Variants in PRKN observed in about 807,000 individuals in gnomAD.
PRKN encodes the protein parkin RBR E3 ubiquitin protein ligase.
In PRKN, 56 loss-of-function variants were observed where a neutral mutation model predicts 59.5. The ratio of observed to expected loss-of-function variants is 0.94; its 90% CI spans 0.76 to 1.18. The LOEUF is 1.18. Ranked by LOEUF, PRKN falls within the 50% of genes most tolerant of loss-of-function variation. PRKN has a pLI of 0.00. For missense variants in PRKN, 657 were observed against 596.4 expected (o/e 1.10, Z -1.06); for synonymous variants, 250 against 222.1 (o/e 1.13, Z -1.12).
chr6:161,537,694 G>A lies in PRKN; in HGVS notation c.1083+11160C>T, dbSNP rs369403416. On this transcript the variant is annotated intron_variant, in intron 9 of 11. Coordinates refer to ENST00000366898, the MANE Select transcript of PRKN (RefSeq NM_004562.3). Reference sequence around the variant, plus strand: ...TCTCGATCTCCTGACCTCGTGATCCGCCCGCCTTAGCCTCCCAAAGTGCTG... The same window carrying A: ...TCTCGATCTCCTGACCTCGTGATCCACCCGCCTTAGCCTCCCAAAGTGCTG... Among the ~76,000 whole-genome samples, 413 of 152,142 alleles carry A rather than the reference G, an allele frequency of 2.7e-3. 5 individuals carry two copies. Among genetic ancestry groups the A allele is most frequent in the South Asian group, 0.025 (119 of 4,820 alleles).
At chr6:162,701,199 A>T (rs1238962895) in intron 1 of PRKN, among the ~76,000 whole-genome samples, 2 of 152,190 alleles carry the variant, frequency 1.3e-5, no homozygotes, top group Non-Finnish European at 2.9e-5. Context: ...AAGAAAACCA[A>T]AATTCAATGT....
In PRKN at chr6:161,939,372, C is replaced by T. The variant is rs189112819; in HGVS notation, c.734+33930G>A. 6.3e-3 allele frequency among the ~76,000 whole-genome samples: 849 copies of T among 133,712 alleles called. 6 individuals are homozygous for T. Among genetic ancestry groups the T allele is most frequent in the Non-Finnish European group, 9.0e-3 (589 of 65,130 alleles). 87.7% of individuals were successfully genotyped at this position (133,712 alleles called of 152,430 possible). On this transcript the variant is annotated intron_variant, in intron 6 of 11. Coordinates refer to ENST00000366898, the MANE Select transcript of PRKN (RefSeq NM_004562.3). ...GGTGGAGGTTGCAGTGAGCTGAGAT[C>T]GTTCCACTGCACTCCAGGCCTGGGT...
chr6:162,489,047 A>T (rs982508460), intron 1 of PRKN, among the ~76,000 whole-genome samples: 3 of 151,068 alleles, frequency 2.0e-5, no homozygotes, highest in Non-Finnish European at 4.4e-5. Flanking sequence ...ACAGGGAGAA[A>T]GGAGCAGGGG....
At chr6:161,555,162 T>C (rs1452728981) in intron 8 of PRKN, among the ~76,000 whole-genome samples, 2 of 152,182 alleles carry the variant, frequency 1.3e-5, no homozygotes, top group Non-Finnish European at 2.9e-5. Flanking sequence ...TTGTGTTTTT[T>C]AGAATTTCCT....
At chr6:161,479,480 A>T (rs879508069) in intron 9 of PRKN, among the ~76,000 whole-genome samples, 2 of 152,182 alleles carry the variant, frequency 1.3e-5, no homozygotes, top group African/African-American at 4.8e-5. Flanking sequence ...TCAGAACGCA[A>T]GCAGCAATGC....
At chr6:161,730,355 A>G (rs1488822383) in intron 7 of PRKN, among the ~76,000 whole-genome samples, 6 of 134,954 alleles carry the variant, frequency 4.4e-5, no homozygotes, top group South Asian at 2.4e-4. Context: ...TCTTTCTGAT[A>G]TGTTGCATTC....
intron 1 of PRKN, among the ~76,000 whole-genome samples, chr6:162,530,490 C>A (rs1437045672): frequency 6.6e-6 from 1 of 152,104 alleles, no homozygotes; most frequent in Non-Finnish European, 1.5e-5. Context: ...AGTCCGAGAC[C>A]CACCATTACC....
chr6:161,740,833 A>C (rs1341876878), intron 7 of PRKN, among the ~76,000 whole-genome samples: 1 of 152,198 alleles, frequency 6.6e-6, no homozygotes, highest in Non-Finnish European at 1.5e-5. Context: ...GTCTATCAAA[A>C]AACAAACAGT....
chr6:161,932,337 T>C (rs560155302), intron 6 of PRKN, among the ~76,000 whole-genome samples: 16 of 152,258 alleles, frequency 1.1e-4, no homozygotes, highest in African/African-American at 3.6e-4. Flanking sequence ...TTTTTGTTCA[T>C]TGAATATTTA....
At chr6:161,574,624 A>C (rs1180429428) in intron 7 of PRKN, among the ~76,000 whole-genome samples, 1 of 152,108 alleles carries the variant, frequency 6.6e-6, no homozygotes, top group Non-Finnish European at 1.5e-5. Flanking sequence ...CCTCATTCTG[A>C]AAAGTTAAAA....
At chr6:161,876,920 A>C (rs540822162) in intron 6 of PRKN, among the ~76,000 whole-genome samples, 1 of 152,272 alleles carries the variant, frequency 6.6e-6, no homozygotes, top group Admixed American at 6.5e-5. Context: ...GTCTATTAAA[A>C]TTTAATTCTT....
At chr6:162,334,515 T>A (rs760044726) in intron 2 of PRKN, among the ~76,000 whole-genome samples, 21 of 152,200 alleles carry the variant, frequency 1.4e-4, no homozygotes, top group Non-Finnish European at 2.8e-4. Flanking sequence ...ATATTTTAAG[T>A]GCACTGTTGA....
chr6:162,621,641 T>C (rs1782670657), intron 1 of PRKN, among the ~76,000 whole-genome samples: 1 of 152,220 alleles, frequency 6.6e-6, no homozygotes. Context: ...AGACTATTTC[T>C]TGAGCTTATA....
In PRKN at chr6:162,576,391, G is replaced by A. The variant is rs77068399; in HGVS notation, c.8-132918C>T. ...TTCATATTAGGAAGATGAAATCAAC[G>A]CTGCATTACCACTAACTTGAACAAG... On this transcript the variant is annotated intron_variant, in intron 1 of 11. Transcript: ENST00000366898. 6.4e-3 allele frequency among the ~76,000 whole-genome samples: 974 copies of A among 152,210 alleles called. 6 individuals are homozygous for A. The highest frequency in any genetic ancestry group is 0.022 in the African/African-American group (913 of 41,516).
intron 2 of PRKN, chr6:162,271,565 T>C (rs1199734868): frequency 1.3e-5 from 2 of 151,876 alleles, no homozygotes; most frequent in African/African-American, 2.4e-5. Context: ...AAAGGTGTTA[T>C]TTAAAGGTGT....
intron 5 of PRKN, among the ~76,000 whole-genome samples, chr6:162,038,904 C>G (rs1229150732): frequency 6.6e-6 from 1 of 152,076 alleles, no homozygotes; most frequent in Non-Finnish European, 1.5e-5. Flanking sequence ...CCTGTAATCC[C>G]AACACTTTGG....
intron 1 of PRKN, among the ~76,000 whole-genome samples, chr6:162,640,510 A>G (rs1777918240): frequency 1.3e-5 from 2 of 152,172 alleles, no homozygotes; most frequent in South Asian, 4.1e-4. Context: ...ACAGCTTGGG[A>G]AAAAGGAGAA....
chr6:161,609,892 C>G (rs989306923), intron 7 of PRKN, among the ~76,000 whole-genome samples: 4 of 152,076 alleles, frequency 2.6e-5, no homozygotes, highest in African/African-American at 4.8e-5. Flanking sequence ...AATGCTTTTC[C>G]AATAGCTTCA....
intron 4 of PRKN, among the ~76,000 whole-genome samples, chr6:162,169,072 C>T (rs1343435546): frequency 6.6e-6 from 1 of 152,138 alleles, no homozygotes; most frequent in African/African-American, 2.4e-5. Flanking sequence ...CTGAGCTGTG[C>T]TGAAGACTTC....
Sources: gnomAD v4.1 joint callset for allele counts (sites outside exome capture counted in the v4.1 genomes callset) on GRCh38, gnomAD v4.1.1 for gene constraint, MANE v1.5 for transcripts, NCBI Gene and HGNC (gene_info 2026-07-23, HGNC 2026-07-21) for gene names.